Variants in JDP2 observed in about 807,000 individuals in gnomAD.
JDP2 encodes the protein progesterone receptor co-activator.
In JDP2, 9 loss-of-function variants were observed where a neutral mutation model predicts 17.1. The observed-to-expected ratio is 0.53, with a 90% confidence interval of 0.32 to 0.92. JDP2 has a LOEUF of 0.92. JDP2 is among the 40% of genes least tolerant of loss of function. The pLI, the probability that JDP2 is intolerant of heterozygous loss-of-function variation, is 0.04. For missense variants in JDP2, 179 were observed against 220.0 expected (o/e 0.81, Z 1.18); for synonymous variants, 107 against 95.6 (o/e 1.12, Z -0.69).
At chr14:75,446,308 C>T (rs1222016321) in intron 2 of JDP2, among the ~76,000 whole-genome samples, 1 of 151,478 alleles carries the variant, frequency 6.6e-6, no homozygotes, top group African/African-American at 2.5e-5. Context: ...ACATATATTT[C>T]CTTTCCCAAC....
rs1886828409 is a variant in JDP2 at position 75,472,181 on chromosome 14, A to T, written c.*2706A>T. 6.6e-6 allele frequency: 1 copy of T among 152,248 alleles called. No homozygotes were observed. The highest frequency in any genetic ancestry group is 2.1e-4 in the South Asian group (1 of 4,838). The allele number at this position is 152,248 out of a possible 1,614,324, so 9.4% of individuals were successfully genotyped here. ...TTCTTCTGGGCACCTGCCACTGTGC[A>T]TGTGTGACCTCAACTGCTTTGTGCA... On this transcript the variant is annotated 3_prime_UTR_variant, in exon 4 of 4. Coordinates refer to ENST00000651602, the MANE Select transcript of JDP2 (RefSeq NM_001135048.2).
At chr14:75,452,699 C>G (rs984750292) in intron 2 of JDP2, among the ~76,000 whole-genome samples, 2 of 152,204 alleles carry the variant, frequency 1.3e-5, no homozygotes, top group African/African-American at 4.8e-5. Context: ...GAGCCTGCAT[C>G]CCACTGGGGC....
At chr14:75,463,359 G>T (rs1296528245) in intron 3 of JDP2, among the ~76,000 whole-genome samples, 4 of 152,214 alleles carry the variant, frequency 2.6e-5, no homozygotes, top group Non-Finnish European at 4.4e-5. Context: ...CACTGCTAGC[G>T]AGTGGTGGGC....
At chr14:75,453,478 G>A (rs1313192798) in intron 2 of JDP2, among the ~76,000 whole-genome samples, 1 of 152,196 alleles carries the variant, frequency 6.6e-6, no homozygotes, top group East Asian at 1.9e-4. Flanking sequence ...ATTCTGCCCG[G>A]AGGCAGGCCA....
chr14:75,444,514 T>G (rs1227247398), intron 2 of JDP2, among the ~76,000 whole-genome samples: 1 of 152,164 alleles, frequency 6.6e-6, no homozygotes, highest in African/African-American at 2.4e-5. Flanking sequence ...GGGTTCAAAG[T>G]CTGGCTCTCT....
At chr14:75,467,276 C>T (rs546428555) in intron 3 of JDP2, among the ~76,000 whole-genome samples, 290 of 152,354 alleles carry the variant, frequency 1.9e-3, no homozygotes, top group Admixed American at 4.6e-3. Flanking sequence ...GTCCCTCCTT[C>T]CCCTTCTCAA....
At chr14:75,464,182 G>A (rs978190631) in intron 3 of JDP2, among the ~76,000 whole-genome samples, 4 of 152,294 alleles carry the variant, frequency 2.6e-5, no homozygotes, top group African/African-American at 7.2e-5. Flanking sequence ...GAATGCAGGC[G>A]GCTGTGTTGA....
chr14:75,453,232 G>A (rs557314598), intron 2 of JDP2, among the ~76,000 whole-genome samples: 1 of 152,288 alleles, frequency 6.6e-6, no homozygotes, highest in African/African-American at 2.4e-5. Flanking sequence ...GTAGGGGAAT[G>A]TCTGGTATGT....
At chr14:75,447,893 A>G (rs1173597201) in intron 2 of JDP2, among the ~76,000 whole-genome samples, 1 of 152,048 alleles carries the variant, frequency 6.6e-6, no homozygotes, top group East Asian at 1.9e-4. Flanking sequence ...CCTGAGCTCA[A>G]AGTGATCCAC....
chr14:75,436,412 A>G (rs1351778698), intron 1 of JDP2, among the ~76,000 whole-genome samples: 1 of 152,238 alleles, frequency 6.6e-6, no homozygotes, highest in Admixed American at 6.5e-5. Flanking sequence ...AGAGACAGGT[A>G]AAGATGGAAG....
At chr14:75,432,302 C>G (rs1566733164) in intron 1 of JDP2, 1 of 1,551,192 alleles carries the variant, frequency 6.4e-7, no homozygotes, top group Non-Finnish European at 8.7e-7. Flanking sequence ...CAAGAAGAGG[C>G]TTGGTGGTTG....
chr14:75,468,373 C>G (rs958462890), intron 3 of JDP2, among the ~76,000 whole-genome samples: 1 of 152,168 alleles, frequency 6.6e-6, no homozygotes, highest in Admixed American at 6.5e-5. Flanking sequence ...TAGTTGAGAA[C>G]CACTGGTCTG....
intron 2 of JDP2, among the ~76,000 whole-genome samples, chr14:75,457,494 C>G (rs1886163911): frequency 6.6e-6 from 1 of 152,238 alleles, no homozygotes; most frequent in Non-Finnish European, 1.5e-5. Context: ...CTCTGGGCAG[C>G]TCTTAAATAG....
intron 2 of JDP2, among the ~76,000 whole-genome samples, chr14:75,442,006 C>T (rs1287396762): frequency 2.0e-5 from 3 of 151,808 alleles, no homozygotes; most frequent in Non-Finnish European, 2.9e-5. Context: ...ACTAATCAAC[C>T]TGCTAGACAG....
chr14:75,463,784 T>A (rs1472563994), intron 3 of JDP2, among the ~76,000 whole-genome samples: 3 of 151,900 alleles, frequency 2.0e-5, no homozygotes, highest in Non-Finnish European at 2.9e-5. Flanking sequence ...CATAATAGGG[T>A]GATGCTAGAT....
In JDP2 at chr14:75,430,124, C is replaced by T. The variant is rs1884728310; in HGVS notation, c.-24+1872C>T. On this transcript the variant is annotated intron_variant, in intron 1 of 3. Coordinates refer to ENST00000651602, the MANE Select transcript of JDP2 (RefSeq NM_001135048.2). The surrounding 1 kb of genome is among the most constrained non-coding windows in gnomAD (Gnocchi z 4.5). ...CCTCCTGACTCCCTGGGTTTGTTGT[C>T]ATCTCCCTACCTGTTTGTAGGATGT... 1.3e-5 allele frequency among the ~76,000 whole-genome samples: 2 copies of T among 152,210 alleles called. 1 individual carries two copies. Among genetic ancestry groups the T allele is most frequent in the South Asian group, 4.1e-4 (2 of 4,828 alleles).
In JDP2 at chr14:75,428,760, G is replaced by C. The variant is rs995635771; in HGVS notation, c.-24+508G>C. ...AGGAAGCGCGACTCCCGGAGGACCCGGACCCGGAGGAGAGTATTGAGAAGG... is the reference window on the plus strand; with the variant it reads ...AGGAAGCGCGACTCCCGGAGGACCCCGACCCGGAGGAGAGTATTGAGAAGG... On this transcript the variant is annotated intron_variant, in intron 1 of 3. Transcript: ENST00000651602. The surrounding 1 kb of genome is among the most constrained non-coding windows in gnomAD (Gnocchi z 5.6). Among the ~76,000 whole-genome samples the C allele has an allele frequency of 6.6e-6, 1 of 152,184 alleles. No individual in the cohort carries two copies. Among genetic ancestry groups the C allele is most frequent in the Non-Finnish European group, 1.5e-5 (1 of 68,034 alleles).
rs1196144671 is a variant in JDP2 at position 75,431,633 on chromosome 14, C to T, written c.-24+3381C>T. Among the ~76,000 whole-genome samples the T allele has an allele frequency of 4.6e-5, 7 of 152,346 alleles. No individual in the cohort carries two copies. The Middle Eastern group carries it at 0.014, about 296-fold the overall frequency. On this transcript the variant is annotated intron_variant, in intron 1 of 3. Transcript: ENST00000651602. ...GGGCAGGTGCTGGGCCCCATTTCTGCACCTTCTACCCAGCCCTGACCTGGC... is the reference window on the plus strand; with the variant it reads ...GGGCAGGTGCTGGGCCCCATTTCTGTACCTTCTACCCAGCCCTGACCTGGC...
intron 2 of JDP2, among the ~76,000 whole-genome samples, chr14:75,443,352 C>G (rs2139961689): frequency 6.6e-6 from 1 of 152,294 alleles, no homozygotes; most frequent in Middle Eastern, 3.4e-3. Context: ...CATTTTTTAG[C>G]AAGCTTTGCA....
Sources: gnomAD v4.1 joint callset for allele counts (sites outside exome capture counted in the v4.1 genomes callset) on GRCh38, gnomAD v4.1.1 for gene constraint, Gnocchi (gnomAD v3.1) non-coding constraint, MANE v1.5 for transcripts, NCBI Gene and HGNC (gene_info 2026-07-23, HGNC 2026-07-21) for gene names.